Variants in TCF7L1 observed in about 807,000 individuals in gnomAD.
TCF7L1 encodes transcription factor 7-like 1.
In TCF7L1, 18 loss-of-function variants were observed where a neutral mutation model predicts 63.7. That is an observed-to-expected ratio of 0.28 (90% CI 0.20 to 0.42). The LOEUF is 0.42. TCF7L1 is among the 10% of genes least tolerant of loss of function. TCF7L1 has a pLI of 1.00. For missense variants in TCF7L1, 654 were observed against 779.3 expected (o/e 0.84, Z 1.91); for synonymous variants, 355 against 340.9 (o/e 1.04, Z -0.46).
At chr2:85,212,332 AC>A (rs1198852138) in intron 3 of TCF7L1, among the ~76,000 whole-genome samples, 1 of 152,132 alleles carries the variant, frequency 6.6e-6, no homozygotes, top group Non-Finnish European at 1.5e-5. Flanking sequence ...CCTCTTCTGT[AC>A]ATCTGGGCAG....
At chr2:85,237,621 T>C (rs756669207) in intron 3 of TCF7L1, among the ~76,000 whole-genome samples, 16 of 151,526 alleles carry the variant, frequency 1.1e-4, no homozygotes, top group Non-Finnish European at 1.8e-4. Flanking sequence ...CTGCCCCAAG[T>C]TGTGGGGAGC....
chr2:85,165,099 G>A (rs1163055050), intron 3 of TCF7L1, among the ~76,000 whole-genome samples: 3 of 152,218 alleles, frequency 2.0e-5, no homozygotes, highest in African/African-American at 7.2e-5. Context: ...GGAGTGGTCT[G>A]TGGCATTGAA....
chr2:85,137,693 G>GA (rs1677626924), intron 3 of TCF7L1, among the ~76,000 whole-genome samples: 1 of 152,106 alleles, frequency 6.6e-6, no homozygotes, highest in Non-Finnish European at 1.5e-5. Flanking sequence ...GGGAGTTCGA[G>GA]ACCAGCCTGG....
intron 3 of TCF7L1, chr2:85,262,020 C>T (rs1016263906): frequency 7.7e-6 from 4 of 520,794 alleles, no homozygotes; most frequent in Admixed American, 5.9e-5. Context: ...TCAACAATTT[C>T]TCACTTCATT....
chr2:85,146,497 C>CTTTTTTTTTTTTTTTTT (rs554058692), intron 3 of TCF7L1, among the ~76,000 whole-genome samples: 1 of 103,610 alleles, frequency 9.7e-6, no homozygotes, highest in Non-Finnish European at 1.9e-5. Context: ...TTCTTTCTTT[C>CTTTTTTTTTTTTTTTTT]TTTTTTTTTT....
At chr2:85,207,205 A>C (rs1389744029) in intron 3 of TCF7L1, among the ~76,000 whole-genome samples, 8 of 152,230 alleles carry the variant, frequency 5.3e-5, no homozygotes, top group African/African-American at 1.9e-4. Context: ...TAATACTTGC[A>C]TGTCACTGAT....
chr2:85,296,400 A>T (rs1681840604), intron 4 of TCF7L1, among the ~76,000 whole-genome samples: 1 of 152,210 alleles, frequency 6.6e-6, no homozygotes, highest in Admixed American at 6.5e-5. Context: ...ATGTCACTGC[A>T]CTAAAGTTGC....
intron 3 of TCF7L1, among the ~76,000 whole-genome samples, chr2:85,278,876 G>A (rs1000211432): frequency 1.3e-5 from 2 of 152,218 alleles, no homozygotes; most frequent in African/African-American, 4.8e-5. Context: ...ATCCAAAAGC[G>A]GGTATTTAAC....
intron 3 of TCF7L1, among the ~76,000 whole-genome samples, chr2:85,266,868 C>T (rs1680988785): frequency 6.6e-6 from 1 of 152,188 alleles, no homozygotes; most frequent in South Asian, 2.1e-4. Context: ...CATAGCTGTT[C>T]TGTAGCTGGC....
intron 4 of TCF7L1, 55 bp from the exon 5 acceptor site, chr2:85,302,429 G>C: frequency 6.2e-7 from 1 of 1,612,072 alleles, no homozygotes; most frequent in Non-Finnish European, 8.5e-7. Context: ...AATAACAGCT[G>C]GTCATACTCT....
chr2:85,289,221 AGTGTGTGTGT>A (rs10701623), intron 4 of TCF7L1, among the ~76,000 whole-genome samples: 2 of 146,516 alleles, frequency 1.4e-5, no homozygotes, highest in Admixed American at 6.9e-5. Context: ...TTCAGTCTGG[AGTGTGTGTGT>A]GTGTGTGTGT....
intron 3 of TCF7L1, among the ~76,000 whole-genome samples, chr2:85,259,150 C>T (rs894699721): frequency 1.3e-5 from 2 of 152,190 alleles, no homozygotes; most frequent in African/African-American, 2.4e-5. Context: ...ACAGTGGCTG[C>T]GCATGGTGGA....
intron 4 of TCF7L1, among the ~76,000 whole-genome samples, chr2:85,285,319 T>C (rs1219736358): frequency 6.6e-6 from 1 of 152,158 alleles, no homozygotes. Context: ...GCTAAATAAA[T>C]AAGGGTGCAG....
intron 3 of TCF7L1, among the ~76,000 whole-genome samples, chr2:85,248,218 A>C (rs769355161): frequency 1.3e-5 from 2 of 152,110 alleles, no homozygotes; most frequent in African/African-American, 4.8e-5. Flanking sequence ...CCCAAATGTG[A>C]CTTTGGGGGC....
chr2:85,214,104 A>G (rs1223652584), intron 3 of TCF7L1, among the ~76,000 whole-genome samples: 1 of 152,144 alleles, frequency 6.6e-6, no homozygotes, highest in Non-Finnish European at 1.5e-5. Context: ...CAGGGAACCC[A>G]GGCATTCCAG....
At position 85,246,446 on chromosome 2, in the gene TCF7L1, GACATACTTAACGACTC is replaced by G. The variant is rs1303640787; in HGVS notation, c.442-37044_442-37029del. On this transcript the variant is annotated intron_variant, in intron 3 of 11. Coordinates refer to ENST00000282111, the MANE Select transcript of TCF7L1 (RefSeq NM_031283.3). ...AGCTCCACCCACATATTCCCAGATT[GACATACTTAACGACTC>G]ACATCCATTATCTCATTTCATCCTC... Among the ~76,000 whole-genome samples the G allele has an allele frequency of 1.5e-3, 224 of 152,334 alleles. 2 individuals are homozygous for G. Among genetic ancestry groups the G allele is most frequent in the Non-Finnish European group, 2.6e-4 (18 of 68,040 alleles).
At chr2:85,140,161 G>T (rs985457540) in intron 3 of TCF7L1, among the ~76,000 whole-genome samples, 1 of 152,138 alleles carries the variant, frequency 6.6e-6, no homozygotes, top group Admixed American at 6.5e-5. Flanking sequence ...CAGGCACCTG[G>T]AGACTGACTT....
intron 3 of TCF7L1, among the ~76,000 whole-genome samples, chr2:85,261,613 C>T (rs1470871967): frequency 6.6e-6 from 1 of 152,174 alleles, no homozygotes; most frequent in Non-Finnish European, 1.5e-5. Flanking sequence ...AAAAAGAAGC[C>T]AAGCGTGGTG....
intron 3 of TCF7L1, among the ~76,000 whole-genome samples, chr2:85,158,192 C>T (rs549844412): frequency 2.0e-5 from 3 of 152,316 alleles, no homozygotes; most frequent in Non-Finnish European, 4.4e-5. Context: ...TCAACGTCCA[C>T]CCCAGTCTAG....
Sources: gnomAD v4.1 joint callset for allele counts (sites outside exome capture counted in the v4.1 genomes callset) on GRCh38, gnomAD v4.1.1 for gene constraint, MANE v1.5 for transcripts, NCBI Gene and HGNC (gene_info 2026-07-23, HGNC 2026-07-21) for gene names.